The following NLGN1 variants were observed in gnomAD, a reference collection of about 807,000 sequenced individuals.
The protein encoded by NLGN1 is neuroligin 1.
NLGN1 carries 12 observed loss-of-function variants against 65.5 expected under a neutral mutation model. That is an observed-to-expected ratio of 0.18 (90% CI 0.12 to 0.30). The LOEUF (loss-of-function observed/expected upper bound fraction) is 0.30. Among genes scored for constraint, NLGN1 ranks in the 10% least tolerant of loss-of-function variants. The probability of loss-of-function intolerance (pLI) is 1.00; values close to 1 mark genes in which losing one functional copy is unlikely to be tolerated. For missense variants in NLGN1, 750 were observed against 1,007.1 expected, an observed-to-expected ratio of 0.74 and a Z score of 3.46; for synonymous variants, 350 against 359.5, an observed-to-expected ratio of 0.97 and a Z score of 0.30.
chr3:173,954,010 C>T (rs1370428301), intron 4 of NLGN1, among the ~76,000 whole-genome samples: 1 of 151,974 alleles, frequency 6.6e-6, no homozygotes, highest in East Asian at 1.9e-4. Context: ...GAACTTGTAA[C>T]ACTTTGACAA....
intron 3 of NLGN1, among the ~76,000 whole-genome samples, chr3:173,675,193 TG>T (rs1762959706): frequency 6.6e-6 from 1 of 152,200 alleles, no homozygotes; most frequent in Non-Finnish European, 1.5e-5. Flanking sequence ...ATTGAATATT[TG>T]GAATTGATTG....
intron 4 of NLGN1, among the ~76,000 whole-genome samples, chr3:174,257,407 T>G (rs1187881167): frequency 6.6e-6 from 1 of 152,192 alleles, no homozygotes; most frequent in Non-Finnish European, 1.5e-5. Context: ...CATTACTGGG[T>G]ATATATCCAA....
intron 4 of NLGN1, among the ~76,000 whole-genome samples, chr3:174,270,339 C>G (rs1749172867): frequency 6.6e-6 from 1 of 151,422 alleles, no homozygotes; most frequent in Admixed American, 6.6e-5. Flanking sequence ...TGCTAAGAGT[C>G]CAACTTCATT....
At chr3:173,658,259 T>C (rs73880534) in intron 3 of NLGN1, among the ~76,000 whole-genome samples, 2,905 of 152,114 alleles carry the variant, frequency 0.019, 100 homozygotes, top group African/African-American at 0.065. Flanking sequence ...GGTCTGTTGC[T>C]ACCAGGTATG....
At position 173,547,447 on chromosome 3, in the gene NLGN1, T is replaced by C. The variant is rs144848321; in HGVS notation, c.-320-56832T>C. On this transcript the variant is annotated intron_variant, in intron 2 of 6. Transcript: ENST00000457714. ...AATGAATGTGCTGCGGAGCCTGGGT[T>C]TCCCTGAAGGGTCTCTGCAACGCAC... Among the ~76,000 whole-genome samples, 151 of 152,278 alleles carry C rather than the reference T, an allele frequency of 9.9e-4. 1 individual carries two copies. The highest frequency in any genetic ancestry group is 6.8e-3 in the Middle Eastern group (2 of 294).
chr3:173,723,021 G>A (rs2150013227), intron 3 of NLGN1, among the ~76,000 whole-genome samples: 1 of 152,336 alleles, frequency 6.6e-6, no homozygotes, highest in African/African-American at 2.4e-5. Flanking sequence ...TGAGGTAAGT[G>A]AGATAAGTCC....
At chr3:174,222,653 A>T (rs1462603414) in intron 4 of NLGN1, among the ~76,000 whole-genome samples, 3 of 152,152 alleles carry the variant, frequency 2.0e-5, no homozygotes, top group Non-Finnish European at 4.4e-5. Context: ...CAGTCAATAT[A>T]TCTGGCAAAA....
chr3:173,704,823 A>C (rs1281483699), intron 3 of NLGN1, among the ~76,000 whole-genome samples: 1 of 152,126 alleles, frequency 6.6e-6, no homozygotes, highest in East Asian at 1.9e-4. Flanking sequence ...TTCTCACATG[A>C]AGTTACAGTA....
At chr3:173,867,865 G>A (rs1454098796) in intron 4 of NLGN1, among the ~76,000 whole-genome samples, 2 of 152,048 alleles carry the variant, frequency 1.3e-5, no homozygotes, top group African/African-American at 4.8e-5. Flanking sequence ...GAGTGAGGTA[G>A]GCCATTGCTT....
At chr3:173,868,936 G>C (rs1730687069) in intron 4 of NLGN1, among the ~76,000 whole-genome samples, 1 of 151,998 alleles carries the variant, frequency 6.6e-6, no homozygotes, top group African/African-American at 2.4e-5. Flanking sequence ...AGAAATAAAA[G>C]GAAAACCTTG....
At chr3:173,654,531 T>G (rs1051670597) in intron 3 of NLGN1, among the ~76,000 whole-genome samples, 1 of 152,080 alleles carries the variant, frequency 6.6e-6, no homozygotes, top group African/African-American at 2.4e-5. Context: ...CTATAAAAAG[T>G]AGGGATTACA....
intron 2 of NLGN1, among the ~76,000 whole-genome samples, chr3:173,460,441 T>G (rs1723190681): frequency 6.6e-6 from 1 of 152,130 alleles, no homozygotes; most frequent in African/African-American, 2.4e-5. Flanking sequence ...TCTTTGAAAC[T>G]TGGCATCGCT....
intron 4 of NLGN1, among the ~76,000 whole-genome samples, chr3:174,124,600 CATATATACGT>C (rs1332162882): frequency 6.9e-6 from 1 of 144,460 alleles, no homozygotes; most frequent in East Asian, 2.0e-4. Flanking sequence ...TATACGTATA[CATATATACGT>C]ATATATACGT....
intron 4 of NLGN1, among the ~76,000 whole-genome samples, chr3:173,936,329 T>G (rs1342314206): frequency 1.3e-5 from 2 of 152,038 alleles, no homozygotes; most frequent in African/African-American, 2.4e-5. Context: ...GTACCATGCA[T>G]TTTATGTTTA....
intron 4 of NLGN1, among the ~76,000 whole-genome samples, chr3:174,270,176 ATTTGTTTATT>A (rs1561439110): frequency 2.3e-5 from 2 of 86,620 alleles, no homozygotes; most frequent in Non-Finnish European, 5.0e-5. Flanking sequence ...ATGTAGTCTT[ATTTGTTTATT>A]TTTTTTTTTT....
At chr3:173,956,138 A>G (rs996246533) in intron 4 of NLGN1, among the ~76,000 whole-genome samples, 5 of 152,106 alleles carry the variant, frequency 3.3e-5, no homozygotes, top group Admixed American at 6.6e-5. Context: ...TAAATGTTTC[A>G]TTGCATCATG....
At chr3:174,061,138 T>A (rs1051050728) in intron 4 of NLGN1, among the ~76,000 whole-genome samples, 6 of 152,024 alleles carry the variant, frequency 3.9e-5, no homozygotes, top group Non-Finnish European at 7.4e-5. Context: ...CATTTGTGCA[T>A]CATTAAAAGG....
intron 3 of NLGN1, among the ~76,000 whole-genome samples, chr3:173,750,265 G>A (rs1235418405): frequency 1.3e-5 from 2 of 151,926 alleles, no homozygotes; most frequent in Non-Finnish European, 2.9e-5. Flanking sequence ...TGTTGTCCAG[G>A]CTATGTGACT....
chr3:173,839,654 C>T (rs1015605186), intron 4 of NLGN1, among the ~76,000 whole-genome samples: 5 of 152,110 alleles, frequency 3.3e-5, no homozygotes, highest in African/African-American at 1.2e-4. Context: ...ATCTCTTGAC[C>T]TTGTGATCCA....
Sources: gnomAD v4.1 joint callset for allele counts (sites outside exome capture counted in the v4.1 genomes callset) on GRCh38, gnomAD v4.1.1 for gene constraint, MANE v1.5 for transcripts, NCBI Gene and HGNC (gene_info 2026-07-23, HGNC 2026-07-21) for gene names.